The following VCAN variants were observed in gnomAD, a reference collection of about 807,000 sequenced individuals.
VCAN encodes the protein versican core protein.
In VCAN, 44 loss-of-function variants were observed where a neutral mutation model predicts 245.5. That is an observed-to-expected ratio of 0.18 (90% CI 0.14 to 0.23). VCAN has a LOEUF of 0.23. Among genes scored for constraint, VCAN ranks in the 10% least tolerant of loss-of-function variants. VCAN has a pLI of 1.00. For synonymous variants in VCAN, 1,413 were observed against 1,437.0 expected (o/e 0.98, Z 0.38); for missense variants, 3,793 against 4,057.9 (o/e 0.93, Z 1.77).
rs17206014 is a variant in VCAN, at chr5:83,580,465, A to G, written c.*31A>G. 0.028 allele frequency: 44,478 copies of G among 1,612,876 alleles called. 743 individuals are homozygous for G. Among genetic ancestry groups the G allele is most frequent in the Non-Finnish European group, 0.034 (39,747 of 1,179,418 alleles). Reference sequence around the variant, plus strand: ...AAAATGGCGAACATGTGTTTTCATCATTTCAGCCAAAGTCCTAACTTCCTG... The same window carrying G: ...AAAATGGCGAACATGTGTTTTCATCGTTTCAGCCAAAGTCCTAACTTCCTG... On this transcript the variant is annotated 3_prime_UTR_variant, in exon 15 of 15. Transcript: ENST00000265077.
At chr5:83,524,553 TACC>T (rs1746222816) in intron 7 of VCAN, among the ~76,000 whole-genome samples, 1 of 83,032 alleles carries the variant, frequency 1.2e-5, no homozygotes, top group African/African-American at 5.1e-5. Flanking sequence ...CCTACCTACC[TACC>T]TACCTACCTA....
At chr5:83,554,195 G>A (rs1429339638) in intron 11 of VCAN, among the ~76,000 whole-genome samples, 1 of 152,206 alleles carries the variant, frequency 6.6e-6, no homozygotes, top group Non-Finnish European at 1.5e-5. Context: ...AAGAGGTAGT[G>A]TCTTGCCATG....
intron 5 of VCAN, among the ~76,000 whole-genome samples, chr5:83,498,813 T>A (rs978144622): frequency 6.6e-5 from 10 of 152,340 alleles, no homozygotes; most frequent in Non-Finnish European, 1.2e-4. Context: ...TTAAGAGTCC[T>A]TCAGGGGATC....
intron 12 of VCAN, 109 bp downstream of exon 12, chr5:83,555,147 T>C (rs767216498): frequency 2.7e-5 from 30 of 1,107,658 alleles, no homozygotes; most frequent in Non-Finnish European, 3.8e-5. Flanking sequence ...GTTAAATGAC[T>C]TGCTCAAGGT....
intron 2 of VCAN, among the ~76,000 whole-genome samples, chr5:83,485,721 A>C (rs1744770322): frequency 6.6e-6 from 1 of 152,078 alleles, no homozygotes; most frequent in Non-Finnish European, 1.5e-5. Flanking sequence ...TAGTGAGGAC[A>C]TGAGAGGAGT....
At chr5:83,544,689 T>C (rs968197279) in intron 8 of VCAN, among the ~76,000 whole-genome samples, 2 of 152,192 alleles carry the variant, frequency 1.3e-5, no homozygotes, top group Admixed American at 1.3e-4. Flanking sequence ...ATAAACTCAA[T>C]GAAAATACAC....
At chr5:83,486,667 A>G (rs1246507040) in intron 2 of VCAN, among the ~76,000 whole-genome samples, 2 of 152,232 alleles carry the variant, frequency 1.3e-5, no homozygotes, top group African/African-American at 4.8e-5. Flanking sequence ...ATGCAATGAA[A>G]AACAACTTGT....
Position 83,521,527 on chromosome 5 carries a change from C to A in VCAN, c.3221C>A (p.Thr1074Lys). 1 of 1,614,060 alleles carries A rather than the reference C, an allele frequency of 6.2e-7. No homozygotes were observed. Among genetic ancestry groups the A allele is most frequent in the Non-Finnish European group, 8.5e-7 (1 of 1,180,014 alleles). ...DEQEGDGSAY[T>K]VSEDELLTGS... ...CAAGAGGGCGATGGATCAGCATATA[C>A]AGTCTCTGAAGATGAATTGTTGACA... The change falls in exon 7 of 15, where the codon ACA (threonine) becomes AAA (lysine). Residue 1074 changes from threonine (T) to lysine (K), a missense_variant. Physicochemically the swap from Thr to Lys is moderately conservative, Grantham distance 78. Around this residue, in one of 5 missense-constraint regions of VCAN, gnomAD observed 3,182 missense variants for 3,250.3 expected, o/e 0.98. Coordinates refer to ENST00000265077, the MANE Select transcript of VCAN (RefSeq NM_004385.5).
At chr5:83,527,737 C>G (rs1456464844) in intron 7 of VCAN, among the ~76,000 whole-genome samples, 3 of 152,144 alleles carry the variant, frequency 2.0e-5, no homozygotes, top group African/African-American at 7.2e-5. Flanking sequence ...CTCACTAACC[C>G]TGAGGAAAAA....
At chr5:83,562,074 T>C (rs1747887594) in intron 12 of VCAN, 1 of 152,182 alleles carries the variant, frequency 6.6e-6, no homozygotes, top group South Asian at 2.1e-4. Flanking sequence ...TGCAGATGGA[T>C]GTATGTCAGC....
chr5:83,504,925 G>T (rs1745438691), intron 5 of VCAN, among the ~76,000 whole-genome samples: 1 of 152,054 alleles, frequency 6.6e-6, no homozygotes. Flanking sequence ...GATGGTGGCA[G>T]CAAGAAAAAA....
chr5:83,494,258 A>G (rs1246752012), intron 5 of VCAN, among the ~76,000 whole-genome samples: 3 of 152,212 alleles, frequency 2.0e-5, no homozygotes, highest in Non-Finnish European at 4.4e-5. Flanking sequence ...TGGTGAGAGC[A>G]TAAGATAAAA....
chr5:83,543,339 G>A (rs931556245), intron 8 of VCAN, among the ~76,000 whole-genome samples: 1 of 152,168 alleles, frequency 6.6e-6, no homozygotes, highest in African/African-American at 2.4e-5. Flanking sequence ...CCTGCAAAAA[G>A]AGGAAGAAAA....
intron 6 of VCAN, among the ~76,000 whole-genome samples, chr5:83,513,980 C>G (rs10053235): frequency 6.6e-6 from 1 of 151,914 alleles, no homozygotes; most frequent in Non-Finnish European, 1.5e-5. Context: ...CAACATTTTT[C>G]GTCTCTCTGT....
rs1040528502 is a variant in VCAN at position 83,581,504 on chromosome 5, T to C, written c.*1070T>C. On this transcript the variant is annotated 3_prime_UTR_variant, in exon 15 of 15. Coordinates refer to ENST00000265077, the MANE Select transcript of VCAN (RefSeq NM_004385.5). ...AGACCTGAAAATGAACATAGTATGC[T>C]AGTTATTTTTCAGTGTTAGCCTTTT... 1.2e-4 allele frequency: 19 copies of C among 152,170 alleles called. No individual in the cohort carries two copies. Among genetic ancestry groups the C allele is most frequent in the African/African-American group, 4.6e-4 (19 of 41,444 alleles). The allele number at this position is 152,170 out of a possible 1,614,324, so 9.4% of individuals were successfully genotyped here. A position where few individuals can be genotyped will look rare whatever the true frequency, so the allele number is the denominator to read the frequency against.
chr5:83,541,184 T>C lies in VCAN; in HGVS notation c.8181T>C (p.Asp2727=), dbSNP rs781066470. ...DDMFESSTLS[D]GQAIADQSEI... ...TGTTTGAATCAAGCACTTTGTCTGA[T>C]GGTCAAGCTATTGCAGACCAAAGTG... The change falls in exon 8 of 15, where the codon GAT becomes GAC. Residue 2727 remains aspartate, a synonymous_variant. Transcript: ENST00000265077. The C allele has an allele frequency of 1.9e-6, 3 of 1,613,942 alleles. No homozygotes were observed. In the East Asian group the frequency reaches 6.7e-5, roughly 36 times the overall value.
intron 2 of VCAN, 97 bp downstream of exon 2, chr5:83,483,685 A>G: frequency 8.6e-7 from 1 of 1,167,418 alleles, no homozygotes; most frequent in Non-Finnish European, 1.3e-6. Context: ...TAAAAGATTG[A>G]TTTTTAAAAT....
chr5:83,576,490 A>G (rs1748485575), intron 13 of VCAN, among the ~76,000 whole-genome samples: 1 of 152,112 alleles, frequency 6.6e-6, no homozygotes, highest in Non-Finnish European at 1.5e-5. Context: ...CGCTTGAGTC[A>G]TATTCGGTGT....
chr5:83,503,505 TAAC>T lies in VCAN; in HGVS notation c.749-8586_749-8584del, dbSNP rs374207929. ...CAAATGTTGAACTTTTGTAGTAAAA[TAAC>T]AACAACAACAAGAACAAAAAACCAA... is the stretch of plus-strand genomic sequence containing the variant. On this transcript the variant is annotated intron_variant, in intron 5 of 14. Coordinates refer to ENST00000265077, the MANE Select transcript of VCAN (RefSeq NM_004385.5). 3.7e-3 allele frequency among the ~76,000 whole-genome samples: 561 copies of T among 152,186 alleles called. 1 individual carries two copies. The highest frequency in any genetic ancestry group is 0.031 in the Middle Eastern group (9 of 294).
Sources: gnomAD v4.1 joint callset for allele counts (sites outside exome capture counted in the v4.1 genomes callset) on GRCh38, gnomAD v4.1.1 for gene constraint, gnomAD v4.1.1 regional missense constraint, MANE v1.5 for transcripts, NCBI Gene and HGNC (gene_info 2026-07-23, HGNC 2026-07-21) for gene names.